The following CHRNE variants were observed in gnomAD, a reference collection of about 807,000 sequenced individuals.
CHRNE encodes the protein acetylcholine receptor subunit epsilon.
Under a neutral mutation model 56.5 loss-of-function variants are expected in CHRNE, and 58 were observed. The observed-to-expected ratio is 1.03, with a 90% CI of 0.83 to 1.28. The LOEUF (loss-of-function observed/expected upper bound fraction) is 1.28. CHRNE is among the 50% of genes most tolerant of loss of function. The pLI is 0.00. For missense variants in CHRNE, 793 were observed against 688.9 expected, an observed-to-expected ratio of 1.15 and a Z score of -1.69; for synonymous variants, 385 against 297.9, an observed-to-expected ratio of 1.29 and a Z score of -3.01.
intron 11 of CHRNE, 35 bp from the exon 12 acceptor site, chr17:4,898,926 G>T: frequency 6.4e-7 from 1 of 1,567,080 alleles, no homozygotes; most frequent in Non-Finnish European, 8.6e-7. Context: ...TAAAGAGGCA[G>T]CTGCAGGAGC....
upstream of CHRNE, among the ~76,000 whole-genome samples, chr17:4,907,583 A>C (rs1208847139): frequency 2.6e-5 from 4 of 150,966 alleles, no homozygotes; most frequent in Non-Finnish European, 4.4e-5. Flanking sequence ...AAAAAAAAAA[A>C]AAAAAAACAC....
chr17:4,901,291 G>T, intron 6 of CHRNE, 101 bp from the exon 7 acceptor site: 1 of 1,354,400 alleles, frequency 7.4e-7, no homozygotes, highest in Non-Finnish European at 1.0e-6. Context: ...CCAGGGTCAT[G>T]GGCCGTCAGG....
At chr17:4,908,483 T>G (rs977881047) in intron 1 of CHRNE, among the ~76,000 whole-genome samples, 120 of 123,536 alleles carry the variant, frequency 9.7e-4, no homozygotes, top group African/African-American at 3.7e-3. Context: ...CCACCGTTCC[T>G]GCCAGCGCTG....
At position 4,902,467 on chromosome 17, in the gene CHRNE, T is replaced by A; in HGVS notation, c.217A>T (p.Ser73Cys). 6.2e-7 allele frequency: 1 copy of A among 1,614,168 alleles called. No homozygotes were observed. ...LNEKEETLTT[S>C]VWIGIDWQDY... is the part of the protein sequence containing the mutation. ...TGACTCACGATTCCAATCCAGACGC[T>A]AGTGGTGAGAGTCTCCTCTTTTTCA... The change falls in exon 3 of 12, where the codon AGC becomes TGC. Residue 73 changes from serine (S) to cysteine (C), a missense_variant. Ser to Cys is a moderately radical substitution (Grantham distance 112, BLOSUM62 -1). Transcript: ENST00000649488. The surrounding 1 kb of genome is among the most constrained non-coding windows in gnomAD (Gnocchi z 4.0).
intron 8 of CHRNE, chr17:4,900,553 T>G (rs1969947336): frequency 1.3e-6 from 2 of 1,550,170 alleles, no homozygotes; most frequent in Non-Finnish European, 1.7e-6. Flanking sequence ...GCGGCGGGGC[T>G]AGGGAGGCAC....
In CHRNE at chr17:4,901,944, G is replaced by A. The variant is rs121909516; in HGVS notation, c.488C>T (p.Ser163Leu). ...TYFPFDWQNC[S>L]LIFRSQTYNA... ...TAGCTCTTCCCACCGGAAAATAAGC[G>A]AACAGTTCTGCCAATCGAAGGGGAA... Residue 163 changes from serine (S) to leucine (L), a missense_variant, in exon 5 of 12, where the codon TCG becomes TTG. Ser to Leu is a moderately radical substitution (Grantham distance 145, BLOSUM62 -2). Transcript: ENST00000649488. 4.9e-4 allele frequency: 783 copies of A among 1,612,372 alleles called. No individual in the cohort carries two copies. Among genetic ancestry groups the A allele is most frequent in the Non-Finnish European group, 6.2e-4 (731 of 1,179,458 alleles).
In CHRNE at chr17:4,902,033, G is replaced by T. The variant is rs751665448; in HGVS notation, c.399C>A (p.Gly133=). The T allele has an allele frequency of 6.2e-7, 1 of 1,614,092 alleles. No homozygotes were observed. The highest frequency in any genetic ancestry group is 8.5e-7 in the Non-Finnish European group (1 of 1,180,046). Residue 133 remains glycine (G), a synonymous_variant, in exon 5 of 12, where the codon GGC becomes GGA. Coordinates refer to ENST00000649488, the MANE Select transcript of CHRNE (RefSeq NM_000080.4). The surrounding 1 kb of genome is among the most constrained non-coding windows in gnomAD (Gnocchi z 4.0). ...CCGGAGGCAGCCACGTCACGGAGCC[G>T]CCCTCGTAGACGAGCACGTTGGCGT... is the stretch of plus-strand genomic sequence containing the variant. ...AYDANVLVYE[G]GSVTWLPPAI...
upstream of CHRNE, among the ~76,000 whole-genome samples, chr17:4,903,792 A>C (rs1262264760): frequency 6.6e-6 from 1 of 152,128 alleles, no homozygotes; most frequent in African/African-American, 2.4e-5. Flanking sequence ...CTACTCTCCT[A>C]AACACACACG....
chr17:4,899,002 TC>T lies in CHRNE; in HGVS notation c.1324del (p.Glu442ArgfsTer65). On this transcript the variant is annotated frameshift_variant and splice_region_variant, in exon 11 of 12. Transcript: ENST00000649488. LOFTEE classifies it high-confidence loss of function. ...ACCCGCCTCTGGCTCCTGTCCCACCTCGCCGGTGGCCTCCTGATCTCTCGTG... is the reference window on the plus strand; with the variant it reads ...ACCCGCCTCTGGCTCCTGTCCCACCTGCCGGTGGCCTCCTGATCTCTCGTG... ...ESTRDQEATG[E>X]EVSDWVRMGN... 6.3e-7 allele frequency: 1 copy of T among 1,593,536 alleles called. No homozygotes were observed. Among genetic ancestry groups the T allele is most frequent in the Non-Finnish European group, 8.5e-7 (1 of 1,171,366 alleles).
upstream of CHRNE, among the ~76,000 whole-genome samples, chr17:4,904,678 T>TTGC (rs1970068684): frequency 6.6e-6 from 1 of 152,188 alleles, no homozygotes; most frequent in Non-Finnish European, 1.5e-5. Flanking sequence ...ATGAGACTTA[T>TTGC]CAATCAACTC....
intron 8 of CHRNE, chr17:4,900,038 C>T: frequency 6.4e-7 from 1 of 1,551,414 alleles, no homozygotes; most frequent in East Asian, 2.4e-5. Flanking sequence ...CCTGGAGCCA[C>T]CCGAACCGAA....
chr17:4,902,508 A>T lies in CHRNE; in HGVS notation c.190-14T>A, dbSNP rs1187155078. On this transcript the variant is annotated splice_polypyrimidine_tract_variant and intron_variant, in intron 2 of 11. Transcript: ENST00000649488. The surrounding 1 kb of genome is among the most constrained non-coding windows in gnomAD (Gnocchi z 4.0). ...CTCTTTTTCATTCTGCAGATGGGAGATGGGGATGATTGAAGTGAGATTTCA... is the reference window on the plus strand; with the variant it reads ...CTCTTTTTCATTCTGCAGATGGGAGTTGGGGATGATTGAAGTGAGATTTCA... The T allele has an allele frequency of 6.2e-7, 1 of 1,613,890 alleles. No homozygotes were observed. The highest frequency in any genetic ancestry group is 2.2e-5 in the East Asian group (1 of 44,872).
At chr17:4,899,709 A>G in intron 8 of CHRNE, 127 bp from the exon 9 acceptor site, 1 of 1,508,654 alleles carries the variant, frequency 6.6e-7, no homozygotes. Flanking sequence ...CGCCCCCTAC[A>G]CGACGACAGA....
chr17:4,899,433 C>T (rs746986185), intron 9 of CHRNE, 35 bp downstream of exon 9: 2 of 1,553,682 alleles, frequency 1.3e-6, no homozygotes, highest in Middle Eastern at 1.9e-4. Flanking sequence ...GAAGCCCCAC[C>T]CCGACCCGGG....
chr17:4,902,026 C>T lies in CHRNE; in HGVS notation c.406G>A (p.Val136Met), dbSNP rs773822199. Residue 136 changes from valine to methionine, a missense_variant, in exon 5 of 12, where the codon GTG becomes ATG. By Grantham distance (21) the Val-to-Met change is conservative. Coordinates refer to ENST00000649488, the MANE Select transcript of CHRNE (RefSeq NM_000080.4). This position sits in a 1 kb window ranked among gnomAD's most constrained non-coding sequence, Gnocchi z 4.0. ...TAGATGGCCGGAGGCAGCCACGTCA[C>T]GGAGCCGCCCTCGTAGACGAGCACG... The part of the protein sequence containing the change: ...ANVLVYEGGS[V>M]TWLPPAIYRS... The T allele has an allele frequency of 1.4e-5, 22 of 1,613,990 alleles. No individual in the cohort carries two copies. Among genetic ancestry groups the T allele is most frequent in the African/African-American group, 1.2e-4 (9 of 74,946 alleles).
chr17:4,898,787 G>A lies in CHRNE; in HGVS notation c.1431C>T (p.Ala477=), dbSNP rs545473686. ...GGAGATCAGGCACTCGGTTGAAGTA[G>A]GCCCCGAGGAAGATGAGGCTGGAGC... The part of the protein sequence containing the change: ...SVGSSLIFLG[A]YFNRVPDLPY... Residue 477 remains alanine (A), a synonymous_variant, in exon 12 of 12, where the codon GCC becomes GCT. Coordinates refer to ENST00000649488, the MANE Select transcript of CHRNE (RefSeq NM_000080.4). The A allele has an allele frequency of 1.9e-6, 3 of 1,609,334 alleles. No individual in the cohort carries two copies. Among genetic ancestry groups the A allele is most frequent in the African/African-American group, 2.7e-5 (2 of 75,024 alleles).
rs187741702 is a variant in CHRNE at position 4,900,653 on chromosome 17, T to A, written c.917+140A>T. 35 of 1,444,512 alleles carry A rather than the reference T, an allele frequency of 2.4e-5. No homozygotes were observed. The Admixed American group carries it at 6.2e-4, about 25-fold the overall frequency. The allele number at this position is 1,444,512 out of a possible 1,614,324, so 89.5% of individuals were successfully genotyped here. A position where few individuals can be genotyped will look rare whatever the true frequency, so the allele number is the denominator to read the frequency against. On this transcript the variant is annotated intron_variant, in intron 8 of 11. Transcript: ENST00000649488. Reference sequence around the variant, plus strand: ...GGAGGACGGCGGACCAGGGACTCCATCCCCGTACCAGCCCCACCCAGCGTC... The same window carrying A: ...GGAGGACGGCGGACCAGGGACTCCAACCCCGTACCAGCCCCACCCAGCGTC...
chr17:4,901,710 C>T, intron 5 of CHRNE, 85 bp from the exon 6 acceptor site: 2 of 1,396,982 alleles, frequency 1.4e-6, no homozygotes, highest in South Asian at 1.2e-5. Flanking sequence ...TGGGATCTAG[C>T]GGGGCCGCGA....
chr17:4,906,662 G>A (rs376783178), upstream of CHRNE, among the ~76,000 whole-genome samples: 120 of 152,054 alleles, frequency 7.9e-4, no homozygotes, highest in African/African-American at 2.8e-3. Flanking sequence ...AGACCAGCCT[G>A]GGCAATATAG....
Sources: allele counts gnomAD v4.1 joint callset (sites outside exome capture counted in the v4.1 genomes callset), GRCh38; gene constraint gnomAD v4.1.1; non-coding constraint Gnocchi (gnomAD v3.1); transcripts MANE v1.5; gene names NCBI Gene and HGNC (gene_info 2026-07-23, HGNC 2026-07-21).